Variants in USH2A observed in about 807,000 individuals in gnomAD.
USH2A encodes the protein usherin, also known as Usher syndrome 2A (autosomal recessive, mild).
Under a neutral mutation model 538.9 loss-of-function variants are expected in USH2A, and 443 were observed. That is an observed-to-expected ratio of 0.82 (90% confidence interval 0.76 to 0.89). The LOEUF is 0.89. USH2A is among the 40% of genes least tolerant of loss of function. The probability of loss-of-function intolerance (pLI) is 0.00; values close to 1 mark genes in which losing one functional copy is unlikely to be tolerated. For synonymous variants in USH2A, 2,413 were observed against 2,273.5 expected, an observed-to-expected ratio of 1.06 and a Z score of -1.75; for missense variants, 6,633 against 6,324.8, an observed-to-expected ratio of 1.05 and a Z score of -1.65.
chr1:215,959,098 A>G (rs1047005093), intron 37 of USH2A, among the ~76,000 whole-genome samples: 4 of 152,072 alleles, frequency 2.6e-5, no homozygotes, highest in African/African-American at 7.2e-5. Context: ...CTCTTGAATC[A>G]TCTGCTCTTG....
At chr1:216,173,260 C>T (rs1437784784) in intron 21 of USH2A, among the ~76,000 whole-genome samples, 3 of 152,188 alleles carry the variant, frequency 2.0e-5, no homozygotes, top group Non-Finnish European at 2.9e-5. Flanking sequence ...TTCAGCCAAA[C>T]CTGGCAAGTC....
At chr1:215,765,733 C>A (rs768257201) in intron 56 of USH2A, among the ~76,000 whole-genome samples, 1 of 152,114 alleles carries the variant, frequency 6.6e-6, no homozygotes, top group Non-Finnish European at 1.5e-5. Context: ...TAACCATTAA[C>A]AATAAATGCC....
intron 32 of USH2A, among the ~76,000 whole-genome samples, chr1:216,013,704 G>A (rs1175243920): frequency 6.7e-6 from 1 of 149,896 alleles, no homozygotes; most frequent in East Asian, 2.0e-4. Flanking sequence ...ACCCCCCTTT[G>A]ACTGTAATTT....
intron 35 of USH2A, among the ~76,000 whole-genome samples, chr1:215,992,659 C>T (rs1668028676): frequency 6.6e-6 from 1 of 152,136 alleles, no homozygotes. Context: ...CACCTCTCTC[C>T]TTCGCCAAGG....
intron 26 of USH2A, among the ~76,000 whole-genome samples, chr1:216,081,238 G>C (rs2031932244): frequency 6.6e-6 from 1 of 152,122 alleles, no homozygotes; most frequent in Non-Finnish European, 1.5e-5. Flanking sequence ...TAAGGAGCAA[G>C]TAAGTTAACT....
intron 11 of USH2A, among the ~76,000 whole-genome samples, chr1:216,265,650 A>C (rs933660594): frequency 6.0e-5 from 8 of 134,346 alleles, no homozygotes; most frequent in East Asian, 4.5e-4. Flanking sequence ...ATATATATAT[A>C]TCATATATCA....
chr1:216,257,410 C>G (rs116526127), intron 11 of USH2A, among the ~76,000 whole-genome samples: 1,773 of 151,936 alleles, frequency 0.012, 37 homozygotes, highest in African/African-American at 0.041. Flanking sequence ...TACTGTTTTG[C>G]CTTTGTATTT....
intron 26 of USH2A, among the ~76,000 whole-genome samples, chr1:216,078,572 T>G (rs2031832680): frequency 6.6e-6 from 1 of 152,148 alleles, no homozygotes; most frequent in African/African-American, 2.4e-5. Context: ...GTTGTATTGA[T>G]GCAAACAAAT....
intron 30 of USH2A, among the ~76,000 whole-genome samples, chr1:216,053,399 CTTTAAAATTGG>C (rs2030863193): frequency 6.7e-6 from 1 of 148,830 alleles, no homozygotes; most frequent in Admixed American, 6.7e-5. Context: ...AAAGGGAGAA[CTTTAAAATTGG>C]TTTGGTTGTG....
chr1:216,109,425 C>A (rs1419751938), intron 21 of USH2A, among the ~76,000 whole-genome samples: 1 of 152,194 alleles, frequency 6.6e-6, no homozygotes, highest in Non-Finnish European at 1.5e-5. Flanking sequence ...GCACTCTGAT[C>A]ACCTATGAAG....
chr1:215,670,448 T>C (rs765161864), intron 64 of USH2A, among the ~76,000 whole-genome samples: 19 of 152,358 alleles, frequency 1.2e-4, no homozygotes, highest in Middle Eastern at 3.4e-3. Context: ...TTATTCTTAA[T>C]TCTTGGCTTT....
intron 21 of USH2A, 91 bp from the exon 22 acceptor site, chr1:216,097,304 T>G: frequency 6.2e-7 from 1 of 1,604,058 alleles, no homozygotes. Flanking sequence ...TTATTTATGA[T>G]GTAGTGAGTA....
At chr1:216,008,243 T>C (rs4091496) in intron 32 of USH2A, among the ~76,000 whole-genome samples, 103,468 of 151,492 alleles carry the variant, frequency 0.68, 35,515 homozygotes, top group East Asian at 0.89. Flanking sequence ...CATTCCACCA[T>C]GAAAGAAGTG....
chr1:216,339,708 A>T (rs1204563931), intron 4 of USH2A, among the ~76,000 whole-genome samples: 1 of 152,030 alleles, frequency 6.6e-6, no homozygotes. Context: ...CTACATGGAA[A>T]TTGAACAACC....
chr1:216,081,622 A>C (rs1211828686), intron 26 of USH2A, among the ~76,000 whole-genome samples: 1 of 152,006 alleles, frequency 6.6e-6, no homozygotes, highest in Admixed American at 6.6e-5. Flanking sequence ...TTTGAGACAG[A>C]GCTCTCTTGC....
At position 215,623,690 on chromosome 1, in the gene USH2A, T is replaced by A. The variant is rs1005016879; in HGVS notation, c.*2091A>T. ...TAAATGATTCAGCTAACTGAGTTCA[T>A]GTCTAATTAGATGATTAAATGGATA... On this transcript the variant is annotated 3_prime_UTR_variant, in exon 72 of 72. Transcript: ENST00000307340. The A allele has an allele frequency of 6.6e-6, 1 of 152,138 alleles. No individual in the cohort carries two copies. Among genetic ancestry groups the A allele is most frequent in the Non-Finnish European group, 1.5e-5 (1 of 68,012 alleles). The allele number at this position is 152,138 out of a possible 1,614,324, so 9.4% of individuals were successfully genotyped here. A position where few individuals can be genotyped will look rare whatever the true frequency, so the allele number is the denominator to read the frequency against.
intron 48 of USH2A, among the ~76,000 whole-genome samples, chr1:215,816,784 A>G (rs537436784): frequency 3.3e-4 from 50 of 152,098 alleles, no homozygotes; most frequent in Non-Finnish European, 6.6e-4. Context: ...TAATAAGTTT[A>G]TATTTCTTGT....
At chr1:216,364,519 CA>C (rs1571743562) in intron 4 of USH2A, among the ~76,000 whole-genome samples, 2 of 152,094 alleles carry the variant, frequency 1.3e-5, no homozygotes, top group Non-Finnish European at 2.9e-5. Context: ...TTAAGGAACT[CA>C]GGGTGAGATC....
At chr1:216,167,567 A>T (rs2034195773) in intron 21 of USH2A, among the ~76,000 whole-genome samples, 1 of 152,136 alleles carries the variant, frequency 6.6e-6, no homozygotes, top group South Asian at 2.1e-4. Context: ...AATTGCTGGC[A>T]GACTACTGTA....
Sources: gnomAD v4.1 joint callset for allele counts (sites outside exome capture counted in the v4.1 genomes callset) on GRCh38, gnomAD v4.1.1 for gene constraint, MANE v1.5 for transcripts, NCBI Gene and HGNC (gene_info 2026-07-23, HGNC 2026-07-21) for gene names.